UBE2R2: variants seen among roughly 807,000 people sequenced by gnomAD.
The protein encoded by UBE2R2 is ubiquitin conjugating enzyme E2 R2.
Under a neutral mutation model 27.8 loss-of-function variants are expected in UBE2R2, and 1 was observed. The observed-to-expected ratio is 0.04, with a 90% confidence interval of 0.01 to 0.17. The LOEUF (loss-of-function observed/expected upper bound fraction) is 0.17. Among genes scored for constraint, UBE2R2 ranks in the 10% least tolerant of loss-of-function variants. The pLI is 1.00. For missense variants in UBE2R2, 100 were observed against 291.0 expected (o/e 0.34, Z 4.78); for synonymous variants, 106 against 113.3 (o/e 0.94, Z 0.41).
chr9:33,858,976 C>G (rs1335172442), intron 1 of UBE2R2, among the ~76,000 whole-genome samples: 1 of 151,922 alleles, frequency 6.6e-6, no homozygotes, highest in Non-Finnish European at 1.5e-5. Flanking sequence ...CAGGTGCCTG[C>G]CACCACACCC....
At chr9:33,897,403 C>T (rs1457025755) in intron 2 of UBE2R2, among the ~76,000 whole-genome samples, 4 of 148,738 alleles carry the variant, frequency 2.7e-5, no homozygotes, top group South Asian at 2.1e-4. Context: ...CCGCAACCTC[C>T]GCCTCCCGGG....
At chr9:33,825,263 T>TTTTTA (rs1820290009) in intron 1 of UBE2R2, among the ~76,000 whole-genome samples, 1 of 149,230 alleles carries the variant, frequency 6.7e-6, no homozygotes, top group African/African-American at 2.5e-5. Context: ...TTTTTTTTTT[T>TTTTTA]GAGACAGAGT....
rs1376760693 is a variant in UBE2R2 at position 33,917,470 on chromosome 9, C to T, written c.*233C>T. 1 of 612,086 alleles carries T rather than the reference C, an allele frequency of 1.6e-6. No homozygotes were observed. Among genetic ancestry groups the T allele is most frequent in the Non-Finnish European group, 2.8e-6 (1 of 360,814 alleles). 37.9% of individuals were successfully genotyped at this position (612,086 alleles called of 1,614,324 possible). On this transcript the variant is annotated 3_prime_UTR_variant, in exon 5 of 5. Transcript: ENST00000263228. ...TGAATTCTTGCATTCTTTACCCTTC[C>T]ATCACTATATTGATTCTTTTTTTAA...
intron 1 of UBE2R2, among the ~76,000 whole-genome samples, chr9:33,872,449 G>A (rs1821506055): frequency 6.6e-6 from 1 of 151,968 alleles, no homozygotes. Flanking sequence ...AAATTGAGAG[G>A]AAGTTACAGA....
Position 33,917,383 on chromosome 9 carries a change from A to G in UBE2R2, c.*146A>G. On this transcript the variant is annotated 3_prime_UTR_variant, in exon 5 of 5. Coordinates refer to ENST00000263228, the MANE Select transcript of UBE2R2 (RefSeq NM_017811.4). ...CAGCTCCTGCTGACTCCCCTTATGG[A>G]TCTCAGTTTGCTCCTTTTTATGGAC... 2 of 1,264,436 alleles carry G rather than the reference A, an allele frequency of 1.6e-6. No homozygotes were observed. 78.3% of individuals were successfully genotyped at this position (1,264,436 alleles called of 1,614,324 possible). A position where few individuals can be genotyped will look rare whatever the true frequency, so the allele number is the denominator to read the frequency against.
At chr9:33,870,269 A>G (rs1390003678) in intron 1 of UBE2R2, among the ~76,000 whole-genome samples, 3 of 152,176 alleles carry the variant, frequency 2.0e-5, no homozygotes, top group East Asian at 3.9e-4. Context: ...CAGACTCCTC[A>G]GTAGCTGGAA....
intron 1 of UBE2R2, among the ~76,000 whole-genome samples, chr9:33,837,832 G>T (rs1246247855): frequency 2.6e-5 from 4 of 151,878 alleles, no homozygotes; most frequent in Non-Finnish European, 5.9e-5. Flanking sequence ...GATCCACTGG[G>T]CTTAGCCAAC....
intron 1 of UBE2R2, among the ~76,000 whole-genome samples, chr9:33,879,195 C>T (rs539355528): frequency 1.3e-5 from 2 of 152,272 alleles, no homozygotes; most frequent in Admixed American, 1.3e-4. Context: ...ATTTGTGCCA[C>T]TGTACTCTAG....
chr9:33,914,227 T>G (rs1418306427), intron 4 of UBE2R2, among the ~76,000 whole-genome samples: 1 of 152,140 alleles, frequency 6.6e-6, no homozygotes, highest in African/African-American at 2.4e-5. Context: ...CAAGATACAC[T>G]GGGAGAAATA....
chr9:33,830,733 A>G (rs370980437), intron 1 of UBE2R2, among the ~76,000 whole-genome samples: 112 of 151,428 alleles, frequency 7.4e-4, no homozygotes, highest in African/African-American at 2.4e-3. Flanking sequence ...GGCCACTGCA[A>G]TCCAGCCTGG....
At chr9:33,825,661 A>G (rs1485961366) in intron 1 of UBE2R2, among the ~76,000 whole-genome samples, 1 of 152,204 alleles carries the variant, frequency 6.6e-6, no homozygotes, top group African/African-American at 2.4e-5. Flanking sequence ...AAAGGAGACC[A>G]TCCAGCAAAT....
intron 1 of UBE2R2, among the ~76,000 whole-genome samples, chr9:33,858,930 G>A (rs557415144): frequency 3.3e-5 from 5 of 151,924 alleles, no homozygotes; most frequent in Admixed American, 2.0e-4. Flanking sequence ...GGTTCAAGCA[G>A]TTCTCCTGCC....
intron 1 of UBE2R2, among the ~76,000 whole-genome samples, chr9:33,840,594 A>G (rs954489328): frequency 3.3e-5 from 5 of 152,130 alleles, no homozygotes; most frequent in Non-Finnish European, 5.9e-5. Flanking sequence ...TACTGTAGGC[A>G]GTGTTGTGTT....
At chr9:33,907,049 T>C (rs1179157369) in intron 3 of UBE2R2, among the ~76,000 whole-genome samples, 1 of 152,220 alleles carries the variant, frequency 6.6e-6, no homozygotes, top group Non-Finnish European at 1.5e-5. Context: ...TTTAAACACA[T>C]ATGAGCTCTG....
Position 33,839,613 on chromosome 9 carries a change from G to A in UBE2R2, c.177+21679G>A, listed in dbSNP as rs186926979. On this transcript the variant is annotated intron_variant, in intron 1 of 4. Coordinates refer to ENST00000263228, the MANE Select transcript of UBE2R2 (RefSeq NM_017811.4). ...TCACTACTTGAGAATGCAGCAAGAA[G>A]GCATCGTATATGAAGAATGGGCCCT... Among the ~76,000 whole-genome samples, 4 of 152,288 alleles carry A rather than the reference G, an allele frequency of 2.6e-5. No individual in the cohort carries two copies. In the East Asian group the frequency reaches 7.7e-4, roughly 29 times the overall value.
chr9:33,911,991 G>T lies in UBE2R2; in HGVS notation c.390G>T (p.Leu130=), dbSNP rs1822503059. ...CTATCCTATTAAGTGTAATCTCACT[G>T]CTTAATGAGCCCAACACCTTCTCCC... The part of the protein sequence containing the change: ...VRTILLSVIS[L]LNEPNTFSPA... The change falls in exon 4 of 5, where the codon CTG becomes CTT. Residue 130 remains leucine (L), a synonymous_variant. Transcript: ENST00000263228. 1 of 1,613,658 alleles carries T rather than the reference G, an allele frequency of 6.2e-7. No homozygotes were observed. Among genetic ancestry groups the T allele is most frequent in the Non-Finnish European group, 8.5e-7 (1 of 1,179,916 alleles).
chr9:33,862,307 T>G (rs905746793), intron 1 of UBE2R2, among the ~76,000 whole-genome samples: 1 of 152,188 alleles, frequency 6.6e-6, no homozygotes, highest in Non-Finnish European at 1.5e-5. Flanking sequence ...TCTGGTAGTT[T>G]AACCCCATTC....
intron 1 of UBE2R2, among the ~76,000 whole-genome samples, chr9:33,853,394 G>A (rs553725126): frequency 7.7e-4 from 115 of 149,810 alleles, no homozygotes; most frequent in Non-Finnish European, 1.4e-3. Flanking sequence ...GGTTCAAGCA[G>A]TTCTGCCTCA....
chr9:33,831,506 T>A (rs1448627482), intron 1 of UBE2R2, among the ~76,000 whole-genome samples: 5 of 152,114 alleles, frequency 3.3e-5, no homozygotes, highest in Non-Finnish European at 7.4e-5. Flanking sequence ...AACCTCCACC[T>A]CCCAAGTTCA....
Sources: allele counts gnomAD v4.1 joint callset (sites outside exome capture counted in the v4.1 genomes callset), GRCh38; gene constraint gnomAD v4.1.1; transcripts MANE v1.5; gene names NCBI Gene and HGNC (gene_info 2026-07-23, HGNC 2026-07-21).